The following ADAMTSL1 variants were observed in gnomAD, a reference collection of about 807,000 sequenced individuals.
The protein encoded by ADAMTSL1 is ADAMTS like 1.
ADAMTSL1 carries 126 observed loss-of-function variants against 201.8 expected under a neutral mutation model. That is an observed-to-expected ratio of 0.62 (90% CI 0.54 to 0.72). ADAMTSL1 has a LOEUF of 0.72. Ranked by LOEUF, ADAMTSL1 falls within the 30% of genes least tolerant of loss-of-function variation. The pLI, the probability that ADAMTSL1 is intolerant of heterozygous loss-of-function variation, is 0.00. For synonymous variants in ADAMTSL1, 1,121 were observed against 903.4 expected, an observed-to-expected ratio of 1.24 and a Z score of -4.32; for missense variants, 2,679 against 2,277.8, an observed-to-expected ratio of 1.18 and a Z score of -3.59.
chr9:18,251,264 G>A (rs1219397044), intron 2 of ADAMTSL1, among the ~76,000 whole-genome samples: 2 of 152,044 alleles, frequency 1.3e-5, no homozygotes, highest in African/African-American at 4.8e-5. Context: ...AAGAGTTCTA[G>A]AACAAGAAAT....
At chr9:18,896,205 G>T (rs1428381992) in intron 26 of ADAMTSL1, among the ~76,000 whole-genome samples, 6 of 152,116 alleles carry the variant, frequency 3.9e-5, no homozygotes, top group African/African-American at 1.4e-4. Context: ...TGAAAGACAT[G>T]AATCTACAAA....
intron 3 of ADAMTSL1, among the ~76,000 whole-genome samples, chr9:18,548,140 AC>A: frequency 6.6e-6 from 1 of 151,958 alleles, no homozygotes; most frequent in African/African-American, 2.4e-5. Flanking sequence ...TTTGCTTGTA[AC>A]CCCCCAAATC....
intron 3 of ADAMTSL1, among the ~76,000 whole-genome samples, chr9:18,554,740 T>C (rs1821004992): frequency 6.6e-6 from 1 of 151,188 alleles, no homozygotes; most frequent in South Asian, 2.1e-4. Flanking sequence ...AAATGGTAGG[T>C]TCACAGCAAA....
At chr9:18,119,494 T>C (rs1825407298) in intron 1 of ADAMTSL1, among the ~76,000 whole-genome samples, 1 of 152,010 alleles carries the variant, frequency 6.6e-6, no homozygotes, top group African/African-American at 2.4e-5. Flanking sequence ...TAGAGACGGA[T>C]TTCACTACAT....
At chr9:18,464,013 G>T (rs1820906361) in intron 2 of ADAMTSL1, among the ~76,000 whole-genome samples, 1 of 152,208 alleles carries the variant, frequency 6.6e-6, no homozygotes, top group African/African-American at 2.4e-5. Flanking sequence ...CAGAGGTGGG[G>T]AATGAATGAA....
At position 18,565,881 on chromosome 9, in the gene ADAMTSL1, G is replaced by A. The variant is rs73429660; in HGVS notation, c.238-8149G>A. 5.0e-3 allele frequency among the ~76,000 whole-genome samples: 754 copies of A among 152,180 alleles called. 6 individuals carry two copies. The highest frequency in any genetic ancestry group is 0.017 in the African/African-American group (705 of 41,522). On this transcript the variant is annotated intron_variant, in intron 3 of 28. Coordinates refer to ENST00000380548, the MANE Select transcript of ADAMTSL1 (RefSeq NM_001040272.6). ...TATAATCAGGTGGCCAAAATTTGGGGGTTAAAGCTTAGTACTTTAATATGA... is the reference window on the plus strand; with the variant it reads ...TATAATCAGGTGGCCAAAATTTGGGAGTTAAAGCTTAGTACTTTAATATGA...
intron 17 of ADAMTSL1, 121 bp downstream of exon 17, chr9:18,770,902 A>G (rs992150214): frequency 2.7e-6 from 3 of 1,118,854 alleles, no homozygotes; most frequent in Non-Finnish European, 3.7e-6. Flanking sequence ...ATGGAATAGT[A>G]TTTTTGTAAC....
At chr9:18,543,124 C>T (rs1264869161) in intron 3 of ADAMTSL1, among the ~76,000 whole-genome samples, 1 of 152,188 alleles carries the variant, frequency 6.6e-6, no homozygotes, top group Non-Finnish European at 1.5e-5. Context: ...TGTATATTCT[C>T]AGAATTATAT....
chr9:18,289,616 G>C (rs946773562), intron 2 of ADAMTSL1, among the ~76,000 whole-genome samples: 3 of 152,174 alleles, frequency 2.0e-5, no homozygotes, highest in Non-Finnish European at 4.4e-5. Flanking sequence ...CAGCCAGAGA[G>C]GCTCAGTTAC....
At chr9:18,048,998 A>C (rs930894854) in intron 1 of ADAMTSL1, among the ~76,000 whole-genome samples, 2 of 152,210 alleles carry the variant, frequency 1.3e-5, no homozygotes, top group African/African-American at 4.8e-5. Context: ...CCACTCCCCT[A>C]CTTCCGGCAG....
At position 18,552,737 on chromosome 9, in the gene ADAMTSL1, C is replaced by T. The variant is rs1469926499; in HGVS notation, c.237+19445C>T. On this transcript the variant is annotated intron_variant, in intron 3 of 28. Transcript: ENST00000380548. The stretch of plus-strand genomic sequence containing the variant: ...AGATATACATTTAAAATTGTTTGAT[C>T]TTTCTGAAGAAGCTAATCTTTCTTC... 2.0e-5 allele frequency among the ~76,000 whole-genome samples: 3 copies of T among 151,608 alleles called. No individual in the cohort carries two copies. In the East Asian group the frequency reaches 5.8e-4, roughly 29 times the overall value.
intron 2 of ADAMTSL1, among the ~76,000 whole-genome samples, chr9:18,435,528 C>T (rs1023784545): frequency 2.6e-5 from 4 of 152,120 alleles, no homozygotes; most frequent in African/African-American, 7.2e-5. Context: ...AGTAGGGGCT[C>T]TGATCGATTT....
intron 1 of ADAMTSL1, among the ~76,000 whole-genome samples, chr9:17,955,498 C>T (rs1239713635): frequency 1.3e-5 from 2 of 152,196 alleles, no homozygotes; most frequent in Non-Finnish European, 2.9e-5. Context: ...CAGTTTCAGT[C>T]ACCCACGGTC....
At chr9:18,877,025 G>A (rs1487764032) in intron 23 of ADAMTSL1, among the ~76,000 whole-genome samples, 1 of 151,938 alleles carries the variant, frequency 6.6e-6, no homozygotes, top group African/African-American at 2.4e-5. Context: ...TCATCTACTT[G>A]TTTTATTCTG....
At chr9:18,262,722 G>A (rs1185735412) in intron 2 of ADAMTSL1, among the ~76,000 whole-genome samples, 1 of 152,092 alleles carries the variant, frequency 6.6e-6, no homozygotes. Context: ...AAAGACCAAG[G>A]GAATTCCAGA....
intron 23 of ADAMTSL1, among the ~76,000 whole-genome samples, chr9:18,885,085 G>C (rs1248584359): frequency 6.6e-6 from 1 of 152,084 alleles, no homozygotes. Context: ...GTCGTTTTCA[G>C]TGTTCAAGAT....
intron 2 of ADAMTSL1, among the ~76,000 whole-genome samples, chr9:18,178,081 A>G (rs1475810535): frequency 6.6e-6 from 1 of 152,192 alleles, no homozygotes; most frequent in Admixed American, 6.5e-5. Context: ...GCGACGCAGA[A>G]GAAGGGTGAT....
chr9:18,723,250 C>T, intron 15 of ADAMTSL1: 1 of 624,600 alleles, frequency 1.6e-6, no homozygotes, highest in Non-Finnish European at 2.9e-6. Context: ...TAAACAGCTA[C>T]TCCTGCTGCT....
chr9:18,496,349 GT>G (rs1346501761), intron 1 of ADAMTSL1, among the ~76,000 whole-genome samples: 2 of 152,188 alleles, frequency 1.3e-5, no homozygotes, highest in Admixed American at 6.5e-5. Context: ...CAGGGAGAAT[GT>G]TTTAAATTTC....
Sources: allele counts gnomAD v4.1 joint callset (sites outside exome capture counted in the v4.1 genomes callset), GRCh38; gene constraint gnomAD v4.1.1; transcripts MANE v1.5; gene names NCBI Gene and HGNC (gene_info 2026-07-23, HGNC 2026-07-21).